The following BEND3 variants were observed in gnomAD, a reference collection of about 807,000 sequenced individuals.
The protein encoded by BEND3 is BEN domain-containing protein 3.
In BEND3, 13 loss-of-function variants were observed where a neutral mutation model predicts 60.1. The ratio of observed to expected loss-of-function variants is 0.22; its 90% CI spans 0.14 to 0.34. The LOEUF (loss-of-function observed/expected upper bound fraction) is 0.34. Ranked by LOEUF, BEND3 falls within the 10% of genes least tolerant of loss-of-function variation. BEND3 has a pLI of 1.00. For missense variants in BEND3, 896 were observed against 1,138.1 expected (o/e 0.79, Z 3.06); for synonymous variants, 497 against 491.5 (o/e 1.01, Z -0.15).
intron 3 of BEND3, among the ~76,000 whole-genome samples, chr6:107,088,162 G>A (rs150760550): frequency 6.6e-6 from 1 of 152,192 alleles, no homozygotes; most frequent in African/African-American, 2.4e-5. Context: ...CTATAGGCAT[G>A]TGCCACCACA....
At chr6:107,107,175 G>C (rs1775834536) in intron 1 of BEND3, among the ~76,000 whole-genome samples, 2 of 150,436 alleles carry the variant, frequency 1.3e-5, no homozygotes, top group African/African-American at 4.9e-5. Context: ...GACCTCAGCT[G>C]ATCCACCCGC....
chr6:107,090,587 C>T (rs1003445274), intron 3 of BEND3, among the ~76,000 whole-genome samples: 8 of 151,864 alleles, frequency 5.3e-5, no homozygotes, highest in Admixed American at 6.6e-5. Flanking sequence ...TGTGTGTGCA[C>T]GCGCGTGTGC....
rs1294951732 is a variant in BEND3 at position 107,069,232 on chromosome 6, G to A, written c.1959C>T (p.Ser653=). 3.1e-6 allele frequency: 5 copies of A among 1,612,066 alleles called. No homozygotes were observed. The highest frequency in any genetic ancestry group is 1.7e-4 in the Middle Eastern group (1 of 5,794). ...CRRRDTEQRR[S]YQQQRKVHVP... The stretch of plus-strand genomic sequence containing the variant: ...CGTGGACCTTGCGCTGCTGCTGGTA[G>A]GAGCGCCTTTGCTCCGTGTCCCGGC... Residue 653 remains serine, a synonymous_variant, in exon 4 of 4, where the codon TCC becomes TCT. Transcript: ENST00000369042.
In BEND3 at chr6:107,070,483, C is replaced by T; in HGVS notation, c.708G>A (p.Met236Ile). Residue 236 changes from methionine to isoleucine, a missense_variant, in exon 4 of 4, where the codon ATG (methionine) becomes ATA (isoleucine). Physicochemically the swap from Met to Ile is conservative, Grantham distance 10 (BLOSUM62 1). Around this residue, in one of 4 missense-constraint regions of BEND3, gnomAD observed 846 missense variants for 1,036.7 expected, o/e 0.82. Coordinates refer to ENST00000369042, the MANE Select transcript of BEND3 (RefSeq NM_001367314.1). This position sits in a 1 kb window ranked among gnomAD's most constrained non-coding sequence, Gnocchi z 6.9. ...CAGGGGGCGGCTGGAATTTGGCCAC[C>T]ATCTCAGTGGGGCTCACCTGCTTCT... ...RIKKQVSPTE[M>I]VAKFQPPPEY... 6.2e-7 allele frequency: 1 copy of T among 1,614,128 alleles called. No homozygotes were observed. The highest frequency in any genetic ancestry group is 8.5e-7 in the Non-Finnish European group (1 of 1,180,034).
chr6:107,072,563 G>A (rs1775005325), intron 3 of BEND3, among the ~76,000 whole-genome samples: 3 of 152,338 alleles, frequency 2.0e-5, no homozygotes, highest in Non-Finnish European at 2.9e-5. Flanking sequence ...CCTCAGAAGC[G>A]AGGCTTCGTA....
chr6:107,085,377 G>A (rs531578356), intron 3 of BEND3, among the ~76,000 whole-genome samples: 25 of 152,296 alleles, frequency 1.6e-4, no homozygotes, highest in African/African-American at 5.5e-4. Context: ...TTCTCACAGC[G>A]AATATTAGAG....
chr6:107,115,030 G>T (rs1168389392), intron 1 of BEND3, 60 bp downstream of exon 1: 1 of 147,736 alleles, frequency 6.8e-6, no homozygotes, highest in African/African-American at 2.5e-5. Flanking sequence ...CCGGCCGCTC[G>T]CCCCGGAGCC....
In BEND3 at chr6:107,067,178, A is replaced by G. The variant is rs60916888; in HGVS notation, c.*1526T>C. Reference sequence around the variant, plus strand: ...ACTGAAGTTCTTATCAGCTGAATGAAGAAAATCCAGATTGTTTCTGTTATC... The same window carrying G: ...ACTGAAGTTCTTATCAGCTGAATGAGGAAAATCCAGATTGTTTCTGTTATC... On this transcript the variant is annotated 3_prime_UTR_variant, in exon 4 of 4. Coordinates refer to ENST00000369042, the MANE Select transcript of BEND3 (RefSeq NM_001367314.1). 349 of 152,350 alleles carry G rather than the reference A, an allele frequency of 2.3e-3. No homozygotes were observed. Among genetic ancestry groups the G allele is most frequent in the African/African-American group, 8.0e-3 (334 of 41,584 alleles). The allele number at this position is 152,350 out of a possible 1,614,324, so 9.4% of individuals were successfully genotyped here. A position where few individuals can be genotyped will look rare whatever the true frequency, so the allele number is the denominator to read the frequency against.
chr6:107,083,370 G>A (rs146362327), intron 3 of BEND3, among the ~76,000 whole-genome samples: 1,945 of 151,922 alleles, frequency 0.013, 51 homozygotes, highest in African/African-American at 0.045. Flanking sequence ...CTGTAATCCC[G>A]GCACTTTGGG....
At position 107,068,967 on chromosome 6, in the gene BEND3, G is replaced by A. The variant is rs1774892408; in HGVS notation, c.2224C>T (p.Arg742Trp). 6.2e-7 allele frequency: 1 copy of A among 1,613,864 alleles called. No individual in the cohort carries two copies. The highest frequency in any genetic ancestry group is 8.5e-7 in the Non-Finnish European group (1 of 1,180,032). ...QSLSVGNFAA[R>W]LLVRLFPELF... is the part of the protein sequence containing the mutation. ...TCGGGAAACAGGCGGACGAGGAGCC[G>A]GGCGGCAAAGTTGCCCACGGAGAGG... is the stretch of plus-strand genomic sequence containing the variant. The change falls in exon 4 of 4, where the codon CGG (arginine) becomes TGG (tryptophan). Residue 742 changes from arginine to tryptophan, a missense_variant. By Grantham distance (101) the Arg-to-Trp change is moderately radical (BLOSUM62 -3). Around this residue, in one of 4 missense-constraint regions of BEND3, gnomAD observed 846 missense variants for 1,036.7 expected, o/e 0.82. Coordinates refer to ENST00000369042, the MANE Select transcript of BEND3 (RefSeq NM_001367314.1). This position sits in a 1 kb window ranked among gnomAD's most constrained non-coding sequence, Gnocchi z 5.8.
intron 3 of BEND3, among the ~76,000 whole-genome samples, chr6:107,090,325 G>A (rs1186909581): frequency 6.6e-6 from 1 of 152,118 alleles, no homozygotes; most frequent in African/African-American, 2.4e-5. Context: ...CTCCAGCCTG[G>A]ACGACAGAGC....
At chr6:107,080,459 T>C (rs1481054963) in intron 3 of BEND3, among the ~76,000 whole-genome samples, 1 of 148,850 alleles carries the variant, frequency 6.7e-6, no homozygotes, top group South Asian at 2.1e-4. Context: ...CCAGTCACCA[T>C]ATATATCTTA....
chr6:107,094,160 C>T (rs958398241), intron 3 of BEND3, among the ~76,000 whole-genome samples: 7 of 151,834 alleles, frequency 4.6e-5, no homozygotes, highest in African/African-American at 7.3e-5. Flanking sequence ...TTACTTGAGC[C>T]GAGGAGCTCG....
chr6:107,096,689 T>C (rs1205368331), intron 3 of BEND3, among the ~76,000 whole-genome samples: 2 of 152,222 alleles, frequency 1.3e-5, no homozygotes, highest in Admixed American at 6.5e-5. Flanking sequence ...ACATTAGTGA[T>C]TGTCAGTAGC....
At chr6:107,085,339 A>G (rs1313103837) in intron 3 of BEND3, among the ~76,000 whole-genome samples, 1 of 152,202 alleles carries the variant, frequency 6.6e-6, no homozygotes, top group Non-Finnish European at 1.5e-5. Flanking sequence ...TAAATTCCAG[A>G]CACACTACCT....
intron 3 of BEND3, among the ~76,000 whole-genome samples, chr6:107,080,233 CA>C: frequency 6.6e-6 from 1 of 150,674 alleles, no homozygotes; most frequent in East Asian, 2.0e-4. Context: ...CCTGTCATTA[CA>C]AAAATTAGCC....
chr6:107,085,740 C>T (rs548401978), intron 3 of BEND3, among the ~76,000 whole-genome samples: 2 of 150,484 alleles, frequency 1.3e-5, no homozygotes, highest in South Asian at 4.2e-4. Context: ...ATCCACCTGC[C>T]TCAGCCTCCC....
chr6:107,104,066 C>G (rs540925609), intron 1 of BEND3, among the ~76,000 whole-genome samples: 47 of 151,536 alleles, frequency 3.1e-4, no homozygotes, highest in Non-Finnish European at 4.0e-4. Context: ...GGGCAGATCA[C>G]GAGGTCAGGA....
At position 107,066,523 on chromosome 6, in the gene BEND3, T is replaced by C. The variant is rs1774833071; in HGVS notation, c.*2181A>G. On this transcript the variant is annotated 3_prime_UTR_variant, in exon 4 of 4. Coordinates refer to ENST00000369042, the MANE Select transcript of BEND3 (RefSeq NM_001367314.1). ...AGACATATTTAATTCCTAGAACCTG[T>C]TGATTTCTCTAACAGGGGTAGATGG... The C allele has an allele frequency of 6.6e-6, 1 of 152,646 alleles. No homozygotes were observed. The highest frequency in any genetic ancestry group is 2.1e-4 in the South Asian group (1 of 4,832). 9.5% of individuals were successfully genotyped at this position (152,646 alleles called of 1,614,324 possible).
Sources: gnomAD v4.1 joint callset for allele counts (sites outside exome capture counted in the v4.1 genomes callset) on GRCh38, gnomAD v4.1.1 for gene constraint, gnomAD v4.1.1 regional missense constraint, Gnocchi (gnomAD v3.1) non-coding constraint, MANE v1.5 for transcripts, NCBI Gene and HGNC (gene_info 2026-07-23, HGNC 2026-07-21) for gene names.